Variants in IL6R observed in about 807,000 individuals in gnomAD.
IL6R encodes the protein interleukin-6 receptor subunit alpha.
In IL6R, 38 loss-of-function variants were observed where a neutral mutation model predicts 48.3. The observed-to-expected ratio is 0.79, with a 90% CI of 0.61 to 1.03. The LOEUF (loss-of-function observed/expected upper bound fraction) is 1.03. IL6R is among the 50% of genes least tolerant of loss of function. The pLI, the probability that IL6R is intolerant of heterozygous loss-of-function variation, is 0.00. For synonymous variants in IL6R, 264 were observed against 256.2 expected (o/e 1.03, Z -0.29); for missense variants, 534 against 618.3 (o/e 0.86, Z 1.45).
intron 1 of IL6R, chr1:154,415,027 G>T: frequency 6.6e-7 from 1 of 1,524,466 alleles, no homozygotes; most frequent in Non-Finnish European, 9.0e-7. Flanking sequence ...CCTGTGGTTG[G>T]CAAGAAGTTG....
intron 6 of IL6R, among the ~76,000 whole-genome samples, chr1:154,437,009 C>A (rs1306213190): frequency 6.6e-6 from 1 of 152,122 alleles, no homozygotes; most frequent in African/African-American, 2.4e-5. Context: ...CCCATGTTGT[C>A]AATTACTTTT....
intron 5 of IL6R, 84 bp downstream of exon 5, chr1:154,435,240 T>A: frequency 7.6e-7 from 1 of 1,311,408 alleles, no homozygotes; most frequent in Non-Finnish European, 1.1e-6. Flanking sequence ...CCAGGCATGG[T>A]GGCTCACGCC....
intron 9 of IL6R, among the ~76,000 whole-genome samples, chr1:154,462,306 G>A (rs1320807058): frequency 6.6e-6 from 1 of 151,200 alleles, no homozygotes; most frequent in Admixed American, 6.6e-5. Context: ...TCTGCATCCT[G>A]CCTTTCACAC....
At chr1:154,427,734 C>A (rs963532285) in intron 1 of IL6R, among the ~76,000 whole-genome samples, 1 of 152,202 alleles carries the variant, frequency 6.6e-6, no homozygotes, top group African/African-American at 2.4e-5. Context: ...GGACTCCAAC[C>A]TCACCAGCTT....
chr1:154,410,140 T>C (rs748949927), intron 1 of IL6R, among the ~76,000 whole-genome samples: 6 of 152,170 alleles, frequency 3.9e-5, no homozygotes, highest in Non-Finnish European at 7.3e-5. Context: ...CTCAGCCCTT[T>C]AGCTCCTTGA....
At chr1:154,419,665 C>G (rs993169849) in intron 1 of IL6R, among the ~76,000 whole-genome samples, 5 of 152,276 alleles carry the variant, frequency 3.3e-5, no homozygotes, top group Admixed American at 3.3e-4. Context: ...AAGCCTGTGT[C>G]CTCGGTGGCA....
intron 6 of IL6R, among the ~76,000 whole-genome samples, chr1:154,444,173 C>CA (rs1252440508): frequency 6.6e-6 from 1 of 151,132 alleles, no homozygotes; most frequent in Non-Finnish European, 1.5e-5. Context: ...TGTAAAATTT[C>CA]AAAAACAATT....
intron 6 of IL6R, among the ~76,000 whole-genome samples, chr1:154,436,663 C>T (rs1239696386): frequency 1.3e-5 from 2 of 152,288 alleles, no homozygotes; most frequent in East Asian, 3.9e-4. Context: ...GTGGCCGAGG[C>T]CCTGGGTTCT....
At chr1:154,421,552 C>T (rs1365929549) in intron 1 of IL6R, among the ~76,000 whole-genome samples, 3 of 152,216 alleles carry the variant, frequency 2.0e-5, no homozygotes, top group Non-Finnish European at 4.4e-5. Context: ...CCATGTTCCC[C>T]TGTAGGTCTT....
intron 3 of IL6R, among the ~76,000 whole-genome samples, chr1:154,432,649 CGCCCG>C (rs1689363169): frequency 6.6e-6 from 1 of 152,210 alleles, no homozygotes; most frequent in Non-Finnish European, 1.5e-5. Flanking sequence ...TGAGCCACCG[CGCCCG>C]GCTTGACTGG....
At position 154,405,414 on chromosome 1, in the gene IL6R, T is replaced by G; in HGVS notation, c.-216T>G. On this transcript the variant is annotated 5_prime_UTR_variant, in exon 1 of 10. Coordinates refer to ENST00000368485, the MANE Select transcript of IL6R (RefSeq NM_000565.4). The surrounding 1 kb of genome is among the most constrained non-coding windows in gnomAD (Gnocchi z 5.2). ...TGCGAGTGGGAAGTCGCACTGACAC[T>G]GAGCCGGGCCAGAGGGAGAGGAGCC... 1 of 528,558 alleles carries G rather than the reference T, an allele frequency of 1.9e-6. No individual in the cohort carries two copies. Among genetic ancestry groups the G allele is most frequent in the Non-Finnish European group, 3.3e-6 (1 of 302,638 alleles). The allele number at this position is 528,558 out of a possible 1,614,324, so 32.7% of individuals were successfully genotyped here.
At chr1:154,430,634 A>G (rs552688801) in intron 3 of IL6R, 28 bp downstream of exon 3, 4 of 1,613,806 alleles carry the variant, frequency 2.5e-6, no homozygotes, top group South Asian at 2.2e-5. Flanking sequence ...AGCTATGTGC[A>G]TGTTGGCTCC....
intron 1 of IL6R, among the ~76,000 whole-genome samples, chr1:154,428,489 G>A (rs1689100128): frequency 6.6e-6 from 1 of 152,200 alleles, no homozygotes; most frequent in South Asian, 2.1e-4. Flanking sequence ...GTGTACGTGT[G>A]CACTTGGGTG....
intron 1 of IL6R, among the ~76,000 whole-genome samples, chr1:154,415,410 A>T (rs1688277548): frequency 6.6e-6 from 1 of 152,222 alleles, no homozygotes; most frequent in Non-Finnish European, 1.5e-5. Flanking sequence ...ACCAATTTTC[A>T]AAGTTACATT....
chr1:154,446,693 T>C (rs1165424330), intron 6 of IL6R, among the ~76,000 whole-genome samples: 1 of 152,198 alleles, frequency 6.6e-6, no homozygotes, highest in Non-Finnish European at 1.5e-5. Flanking sequence ...TCCACATCCC[T>C]GCTGCTGCAA....
At chr1:154,442,785 CTTCT>C (rs150974196) in intron 6 of IL6R, among the ~76,000 whole-genome samples, 8,679 of 133,896 alleles carry the variant, frequency 0.065, 841 homozygotes, top group African/African-American at 0.23. Flanking sequence ...AAATCATTTT[CTTCT>C]TTTTTTTTTT....
intron 2 of IL6R, among the ~76,000 whole-genome samples, chr1:154,430,265 G>A (rs1052716508): frequency 1.3e-5 from 2 of 152,074 alleles, no homozygotes; most frequent in Non-Finnish European, 2.9e-5. Context: ...TCCCGGATCC[G>A]TGTCTCAGAC....
rs896202784 is a variant in IL6R at position 154,411,623 on chromosome 1, G to A, written c.85+5909G>A. 3.3e-5 allele frequency among the ~76,000 whole-genome samples: 5 copies of A among 152,260 alleles called. No homozygotes were observed. The East Asian group carries it at 9.6e-4, about 29-fold the overall frequency. ...GTAGCAGAGAGAAAACAGCTTTGAGGGCAGGCAGTCCAGGCCTGTCTCCCC... is the reference window on the plus strand; with the variant it reads ...GTAGCAGAGAGAAAACAGCTTTGAGAGCAGGCAGTCCAGGCCTGTCTCCCC... On this transcript the variant is annotated intron_variant, in intron 1 of 9. Transcript: ENST00000368485.
At position 154,465,544 on chromosome 1, in the gene IL6R, T is replaced by G. The variant is rs1691516998; in HGVS notation, c.*164T>G. 1 of 722,700 alleles carries G rather than the reference T, an allele frequency of 1.4e-6. No individual in the cohort carries two copies. 44.8% of individuals were successfully genotyped at this position (722,700 alleles called of 1,614,324 possible). A position where few individuals can be genotyped will look rare whatever the true frequency, so the allele number is the denominator to read the frequency against. On this transcript the variant is annotated 3_prime_UTR_variant, in exon 10 of 10. Coordinates refer to ENST00000368485, the MANE Select transcript of IL6R (RefSeq NM_000565.4). ...GTTCTACGCCAGGGGAAAATCAGCC[T>G]GCTCCAGCTGTTCAGCTGGTTGAGG... is the stretch of plus-strand genomic sequence containing the variant.
Sources: allele counts gnomAD v4.1 joint callset (sites outside exome capture counted in the v4.1 genomes callset), GRCh38; gene constraint gnomAD v4.1.1; non-coding constraint Gnocchi (gnomAD v3.1); transcripts MANE v1.5; gene names NCBI Gene and HGNC (gene_info 2026-07-23, HGNC 2026-07-21).